MUSK: variants seen among roughly 807,000 people sequenced by gnomAD.
MUSK encodes the protein muscle associated receptor tyrosine kinase.
MUSK carries 55 observed loss-of-function variants against 88.7 expected under a neutral mutation model. The ratio of observed to expected loss-of-function variants is 0.62; its 90% CI spans 0.50 to 0.78. MUSK has a LOEUF of 0.78. Ranked by LOEUF, MUSK falls within the 30% of genes least tolerant of loss-of-function variation. The pLI is 0.00. For synonymous variants in MUSK, 387 were observed against 391.9 expected (o/e 0.99, Z 0.15); for missense variants, 1,015 against 1,074.3 (o/e 0.94, Z 0.77).
chr9:110,773,994 C>T (rs2148584), intron 9 of MUSK, among the ~76,000 whole-genome samples: 62,793 of 151,852 alleles, frequency 0.41, 13,632 homozygotes, highest in East Asian at 0.59. Flanking sequence ...GTAATATGCC[C>T]TAAACATTGT....
At chr9:110,689,960 ATATT>A (rs1170400985) in intron 3 of MUSK, among the ~76,000 whole-genome samples, 1 of 74,652 alleles carries the variant, frequency 1.3e-5, no homozygotes, top group African/African-American at 5.1e-5. Context: ...ATATAAATAT[ATATT>A]TATATATTAT....
At chr9:110,694,255 G>T (rs1004059383) in intron 3 of MUSK, among the ~76,000 whole-genome samples, 5 of 150,024 alleles carry the variant, frequency 3.3e-5, no homozygotes, top group African/African-American at 1.2e-4. Flanking sequence ...GTGTGGTGGT[G>T]GGCGCCTGTA....
At chr9:110,755,129 T>C (rs566589341) in intron 7 of MUSK, among the ~76,000 whole-genome samples, 25 of 152,312 alleles carry the variant, frequency 1.6e-4, no homozygotes, top group African/African-American at 6.0e-4. Context: ...GTCCTGCAAA[T>C]GTTAGAGACA....
chr9:110,779,890 A>G (rs570767631), intron 11 of MUSK, among the ~76,000 whole-genome samples: 3 of 152,216 alleles, frequency 2.0e-5, no homozygotes, highest in South Asian at 4.1e-4. Context: ...TTCTTTTTAT[A>G]TGAAGCTCTT....
chr9:110,669,091 T>C (rs2075924734), intron 1 of MUSK, 108 bp downstream of exon 1: 1 of 997,682 alleles, frequency 1.0e-6, no homozygotes, highest in East Asian at 2.4e-5. Context: ...TGGGTTTTAC[T>C]TGAAGAAGTA....
chr9:110,777,189 G>A (rs2077684794), intron 11 of MUSK, among the ~76,000 whole-genome samples: 1 of 152,066 alleles, frequency 6.6e-6, no homozygotes, highest in Non-Finnish European at 1.5e-5. Flanking sequence ...ATTCAAGAAG[G>A]TTGCTTGAAA....
intron 3 of MUSK, among the ~76,000 whole-genome samples, chr9:110,689,776 ATAGT>A (rs1564218247): frequency 3.1e-4 from 20 of 65,338 alleles, no homozygotes; most frequent in Non-Finnish European, 5.0e-4. Context: ...TATATCACAT[ATAGT>A]TTATATATTT....
chr9:110,753,296 G>A (rs1587993031), intron 7 of MUSK, among the ~76,000 whole-genome samples: 3 of 152,186 alleles, frequency 2.0e-5, no homozygotes, highest in Admixed American at 2.0e-4. Flanking sequence ...GCCAGGTATG[G>A]TGACGCATGC....
At position 110,687,169 on chromosome 9, in the gene MUSK, C is replaced by G. The variant is rs1198739112; in HGVS notation, c.259C>G (p.Leu87Val). 6.2e-7 allele frequency: 1 copy of G among 1,613,702 alleles called. No homozygotes were observed. Among genetic ancestry groups the G allele is most frequent in the Non-Finnish European group, 8.5e-7 (1 of 1,179,756 alleles). Reference sequence around the variant, plus strand: ...GGAGAATGGGCAGCTCCTCACCATCCTGAGTGTGGAAGACAGTGATGATGG... The same window carrying G: ...GGAGAATGGGCAGCTCCTCACCATCGTGAGTGTGGAAGACAGTGATGATGG... ...IRENGQLLTI[L>V]SVEDSDDGIY... Residue 87 changes from leucine to valine, a missense_variant, in exon 3 of 15, where the codon CTG becomes GTG. Coordinates refer to ENST00000374448, the MANE Select transcript of MUSK (RefSeq NM_005592.4).
intron 3 of MUSK, 122 bp downstream of exon 3, chr9:110,687,390 A>G (rs1424831684): frequency 1.4e-5 from 16 of 1,155,386 alleles, no homozygotes; most frequent in Admixed American, 1.1e-4. Flanking sequence ...GCTGGAGTGC[A>G]GTGGCATGAT....
At chr9:110,713,985 T>C (rs2076712177) in intron 5 of MUSK, among the ~76,000 whole-genome samples, 1 of 152,158 alleles carries the variant, frequency 6.6e-6, no homozygotes, top group African/African-American at 2.4e-5. Context: ...TTTGCAACTC[T>C]TATGTAAATC....
intron 4 of MUSK, 47 bp from the exon 5 acceptor site, chr9:110,697,278 T>G (rs777933853): frequency 6.2e-7 from 1 of 1,602,958 alleles, no homozygotes; most frequent in Admixed American, 1.7e-5. Flanking sequence ...AATGTATCCT[T>G]GATAGACCCA....
intron 7 of MUSK, among the ~76,000 whole-genome samples, chr9:110,758,376 A>G (rs759580917): frequency 2.0e-5 from 3 of 152,320 alleles, no homozygotes; most frequent in Non-Finnish European, 2.9e-5. Context: ...GTGTTAACAA[A>G]TTAATACCAT....
chr9:110,772,691 A>G (rs1204148339), intron 9 of MUSK, among the ~76,000 whole-genome samples: 1 of 152,130 alleles, frequency 6.6e-6, no homozygotes, highest in Non-Finnish European at 1.5e-5. Context: ...ATAGTTTAAT[A>G]GTGATGCGTC....
At chr9:110,776,759 G>A in intron 11 of MUSK, 104 bp downstream of exon 11, 1 of 1,011,750 alleles carries the variant, frequency 9.9e-7, no homozygotes, top group Non-Finnish European at 1.4e-6. Flanking sequence ...AGAATGTACA[G>A]CCGCTCTCAA....
At chr9:110,786,117 C>A (rs1331375522) in intron 13 of MUSK, among the ~76,000 whole-genome samples, 1 of 151,130 alleles carries the variant, frequency 6.6e-6, no homozygotes, top group Non-Finnish European at 1.5e-5. Context: ...TCAAGACCAG[C>A]CTGGCCAACA....
intron 1 of MUSK, among the ~76,000 whole-genome samples, chr9:110,674,495 T>C (rs2075999512): frequency 6.6e-6 from 1 of 152,192 alleles, no homozygotes; most frequent in South Asian, 2.1e-4. Context: ...CTACGATTAA[T>C]AGAATTTAGT....
At chr9:110,776,533 C>T in intron 10 of MUSK, 99 bp from the exon 11 acceptor site, 1 of 955,776 alleles carries the variant, frequency 1.0e-6, no homozygotes, top group Non-Finnish European at 1.6e-6. Flanking sequence ...TATTAAAAAG[C>T]TGAGAGAGAA....
intron 3 of MUSK, among the ~76,000 whole-genome samples, chr9:110,689,482 A>T (rs1324534266): frequency 2.7e-5 from 3 of 110,238 alleles, no homozygotes; most frequent in South Asian, 2.5e-4. Flanking sequence ...TAAAAAATAT[A>T]AAAATATGTA....
Sources: gnomAD v4.1 joint callset for allele counts (sites outside exome capture counted in the v4.1 genomes callset) on GRCh38, gnomAD v4.1.1 for gene constraint, MANE v1.5 for transcripts, NCBI Gene and HGNC (gene_info 2026-07-23, HGNC 2026-07-21) for gene names.